The following FHIT variants were observed in gnomAD, a reference collection of about 807,000 sequenced individuals.
FHIT encodes the protein bis(5'-adenosyl)-triphosphatase.
FHIT carries 19 observed loss-of-function variants against 17.9 expected under a neutral mutation model. The observed-to-expected ratio is 1.06, with a 90% CI of 0.74 to 1.56. The LOEUF is 1.56. Among genes scored for constraint, FHIT ranks in the 40% most tolerant of loss-of-function variants. The pLI is 0.00. For synonymous variants in FHIT, 81 were observed against 69.7 expected (o/e 1.16, Z -0.81); for missense variants, 248 against 189.2 (o/e 1.31, Z -1.82).
intron 4 of FHIT, among the ~76,000 whole-genome samples, chr3:60,699,898 C>T (rs781791316): frequency 5.9e-5 from 9 of 151,946 alleles, no homozygotes; most frequent in Non-Finnish European, 8.8e-5. Flanking sequence ...AATCCCAACA[C>T]TTTGGGAGGC....
chr3:60,028,626 A>C (rs763601159), intron 5 of FHIT, among the ~76,000 whole-genome samples: 1 of 152,220 alleles, frequency 6.6e-6, no homozygotes, highest in Non-Finnish European at 1.5e-5. Flanking sequence ...GTGACCAAAA[A>C]CAAAAACAAA....
intron 5 of FHIT, among the ~76,000 whole-genome samples, chr3:60,081,079 G>A (rs1010138377): frequency 3.3e-5 from 5 of 152,108 alleles, no homozygotes; most frequent in African/African-American, 1.2e-4. Flanking sequence ...GAAATAGACA[G>A]GGAGATGGAA....
intron 5 of FHIT, among the ~76,000 whole-genome samples, chr3:60,040,600 T>C (rs1254317213): frequency 1.3e-5 from 2 of 152,176 alleles, no homozygotes; most frequent in Non-Finnish European, 2.9e-5. Context: ...GTTCTGGCTC[T>C]CTCATGCTTC....
chr3:60,282,925 C>T (rs1008089101), intron 5 of FHIT, among the ~76,000 whole-genome samples: 10 of 151,944 alleles, frequency 6.6e-5, no homozygotes, highest in Non-Finnish European at 1.2e-4. Context: ...AATACAGAGC[C>T]CCAAGGTGAA....
intron 5 of FHIT, among the ~76,000 whole-genome samples, chr3:60,163,159 C>T (rs973421673): frequency 1.3e-5 from 2 of 152,034 alleles, no homozygotes; most frequent in African/African-American, 4.8e-5. Flanking sequence ...ATGTTCCTAA[C>T]CTGGAAACTG....
chr3:60,367,662 C>A (rs906786216), intron 5 of FHIT, among the ~76,000 whole-genome samples: 24 of 152,080 alleles, frequency 1.6e-4, no homozygotes, highest in Admixed American at 5.9e-4. Flanking sequence ...AAAAAATATC[C>A]AATTTTTAAA....
intron 5 of FHIT, among the ~76,000 whole-genome samples, chr3:60,498,362 G>A (rs2034388372): frequency 6.6e-6 from 1 of 152,102 alleles, no homozygotes; most frequent in Non-Finnish European, 1.5e-5. Context: ...CTTTCTGGAA[G>A]TATGTTATAC....
intron 3 of FHIT, among the ~76,000 whole-genome samples, chr3:60,822,425 A>G (rs368850038): frequency 1.3e-5 from 2 of 152,226 alleles, no homozygotes; most frequent in African/African-American, 4.8e-5. Flanking sequence ...CTGGTGGTCT[A>G]TGCCAAGTCA....
intron 1 of FHIT, among the ~76,000 whole-genome samples, chr3:61,202,288 G>A (rs998641417): frequency 6.6e-6 from 1 of 151,650 alleles, no homozygotes; most frequent in Non-Finnish European, 1.5e-5. Flanking sequence ...CCTCTGCCTG[G>A]CCGCTGCCCT....
intron 5 of FHIT, among the ~76,000 whole-genome samples, chr3:60,269,447 C>T (rs1706755394): frequency 6.6e-6 from 1 of 152,178 alleles, no homozygotes; most frequent in Non-Finnish European, 1.5e-5. Flanking sequence ...TTGGTATTTT[C>T]CAGTGAGTTA....
At chr3:60,689,253 G>A (rs1282871788) in intron 4 of FHIT, among the ~76,000 whole-genome samples, 6 of 151,974 alleles carry the variant, frequency 3.9e-5, no homozygotes, top group Non-Finnish European at 7.4e-5. Flanking sequence ...TCAAATAAAC[G>A]TCTTTGTTTG....
chr3:60,233,811 T>C (rs1369270241), intron 5 of FHIT, among the ~76,000 whole-genome samples: 1 of 152,026 alleles, frequency 6.6e-6, no homozygotes, highest in African/African-American at 2.4e-5. Context: ...ATCTGATGGT[T>C]TTATGAAGGG....
chr3:60,246,548 T>C (rs970378940), intron 5 of FHIT, among the ~76,000 whole-genome samples: 1 of 152,104 alleles, frequency 6.6e-6, no homozygotes, highest in Admixed American at 6.5e-5. Context: ...AAGGTGAGTA[T>C]TAGCCACATC....
Position 60,435,146 on chromosome 3 carries a change from G to A in FHIT, c.103+101714C>T, listed in dbSNP as rs191264669. Among the ~76,000 whole-genome samples, 562 of 152,232 alleles carry A rather than the reference G, an allele frequency of 3.7e-3. 5 individuals carry two copies. Among genetic ancestry groups the A allele is most frequent in the African/African-American group, 0.012 (518 of 41,548 alleles). On this transcript the variant is annotated intron_variant, in intron 5 of 9. Coordinates refer to ENST00000492590, the MANE Select transcript of FHIT (RefSeq NM_002012.4). ...ATGCACAGCCTTTTCTCTTTGATTT[G>A]TGCTGAAATGTAGGCTATCCAGTTC... is the stretch of plus-strand genomic sequence containing the variant.
intron 2 of FHIT, among the ~76,000 whole-genome samples, chr3:61,178,237 C>G (rs143487997): frequency 6.6e-6 from 1 of 151,962 alleles, no homozygotes; most frequent in Non-Finnish European, 1.5e-5. Flanking sequence ...GAAACCATTA[C>G]TGGACTCCCA....
chr3:61,016,646 T>A (rs183788996), intron 3 of FHIT, among the ~76,000 whole-genome samples: 34 of 152,372 alleles, frequency 2.2e-4, no homozygotes, highest in South Asian at 6.2e-4. Flanking sequence ...ATTTGTAGCA[T>A]AAGAGTTCAC....
intron 5 of FHIT, among the ~76,000 whole-genome samples, chr3:60,152,183 TG>T (rs1440666313): frequency 8.5e-5 from 13 of 152,266 alleles, no homozygotes; most frequent in Non-Finnish European, 7.4e-5. Flanking sequence ...AATCAATGAA[TG>T]GCAAGCATAT....
chr3:60,084,159 G>A (rs1180509016), intron 5 of FHIT, among the ~76,000 whole-genome samples: 1 of 152,158 alleles, frequency 6.6e-6, no homozygotes, highest in Non-Finnish European at 1.5e-5. Context: ...AAGGTTCAGA[G>A]GGGTAACCTC....
At chr3:59,883,063 G>C (rs778181967) in intron 8 of FHIT, among the ~76,000 whole-genome samples, 2 of 152,120 alleles carry the variant, frequency 1.3e-5, no homozygotes, top group Non-Finnish European at 2.9e-5. Context: ...TATAAGCAGT[G>C]ATGTGTGAGA....
Sources: allele counts gnomAD v4.1 joint callset (sites outside exome capture counted in the v4.1 genomes callset), GRCh38; gene constraint gnomAD v4.1.1; transcripts MANE v1.5; gene names NCBI Gene and HGNC (gene_info 2026-07-23, HGNC 2026-07-21).